The following EEA1 variants were observed in gnomAD, a reference collection of about 807,000 sequenced individuals.
The protein encoded by EEA1 is early endosome antigen 1, 162kD.
Under a neutral mutation model 209.2 loss-of-function variants are expected in EEA1, and 111 were observed. That is an observed-to-expected ratio of 0.53 (90% CI 0.45 to 0.62). EEA1 has a LOEUF of 0.62. EEA1 is among the 20% of genes least tolerant of loss of function. The pLI, the probability that EEA1 is intolerant of heterozygous loss-of-function variation, is 0.00. For missense variants in EEA1, 1,343 were observed against 1,530.8 expected (o/e 0.88, Z 2.05); for synonymous variants, 536 against 540.6 (o/e 0.99, Z 0.12).
At chr12:92,878,935 A>G (rs914977225) in intron 2 of EEA1, among the ~76,000 whole-genome samples, 2 of 152,214 alleles carry the variant, frequency 1.3e-5, no homozygotes, top group Non-Finnish European at 1.5e-5. Flanking sequence ...AATAATCAAT[A>G]CACTTCCCAA....
At chr12:92,904,354 C>G (rs550839124) in intron 1 of EEA1, among the ~76,000 whole-genome samples, 1 of 152,316 alleles carries the variant, frequency 6.6e-6, no homozygotes, top group East Asian at 1.9e-4. Context: ...GTTTAAGTAG[C>G]TACAACCAAA....
intron 1 of EEA1, among the ~76,000 whole-genome samples, chr12:92,894,783 T>G (rs373369279): frequency 1.3e-5 from 2 of 152,130 alleles, no homozygotes; most frequent in East Asian, 1.9e-4. Context: ...TGCAGCAAGT[T>G]ATCCAGAAGA....
At chr12:92,861,315 C>T (rs567318805) in intron 3 of EEA1, among the ~76,000 whole-genome samples, 26 of 151,800 alleles carry the variant, frequency 1.7e-4, no homozygotes, top group Non-Finnish European at 3.7e-4. Context: ...ATTAGCCGGG[C>T]GTGGTGGCGC....
chr12:92,830,718 A>C (rs927117215), intron 11 of EEA1, among the ~76,000 whole-genome samples: 1 of 152,204 alleles, frequency 6.6e-6, no homozygotes, highest in African/African-American at 2.4e-5. Context: ...TGAGGAGGTG[A>C]GCCAACAAGA....
chr12:92,921,759 G>GAAAAAAAAAAAAAAAAAA (rs751838383), intron 1 of EEA1, among the ~76,000 whole-genome samples: 2 of 76,716 alleles, frequency 2.6e-5, no homozygotes, highest in African/African-American at 5.2e-5. Flanking sequence ...TAAAAAAAAA[G>GAAAAAAAAAAAAAAAAAA]AAAAAAAAAA....
chr12:92,883,885 G>C, intron 2 of EEA1: 12 of 1,595,580 alleles, frequency 7.5e-6, no homozygotes, highest in Middle Eastern at 2.3e-4. Flanking sequence ...TGAGCAATGG[G>C]GAACGCTCAC....
rs776405456 is a variant in EEA1 at position 92,852,283 on chromosome 12, C to CT, written c.533dup (p.Tyr179ValfsTer2). On this transcript the variant is annotated frameshift_variant, in exon 8 of 29. Coordinates refer to ENST00000322349, the MANE Select transcript of EEA1 (RefSeq NM_003566.4). LOFTEE classifies it high-confidence loss of function. ...CTCGAAGACTCCTTTCTTCATCATA[C>CT]TTTGACTTTATATCTAATTAAAGAT... 1 of 1,578,246 alleles carries CT rather than the reference C, an allele frequency of 6.3e-7. No homozygotes were observed. Among genetic ancestry groups the CT allele is most frequent in the Non-Finnish European group, 8.6e-7 (1 of 1,165,160 alleles).
At chr12:92,922,674 G>A (rs759152202) in intron 1 of EEA1, among the ~76,000 whole-genome samples, 9 of 152,054 alleles carry the variant, frequency 5.9e-5, no homozygotes, top group Non-Finnish European at 8.8e-5. Flanking sequence ...CTACCCTGGC[G>A]GGGTGCGGTG....
intron 3 of EEA1, chr12:92,858,555 A>G: frequency 2.6e-6 from 2 of 771,586 alleles, no homozygotes; most frequent in South Asian, 2.8e-5. Flanking sequence ...TTGTCTTAGC[A>G]TACAAGCTTA....
At chr12:92,853,999 G>GATA (rs3065021) in intron 5 of EEA1, 45 bp from the exon 6 acceptor site, 869,820 of 1,387,926 alleles carry the variant, frequency 0.63, 281,971 homozygotes, top group East Asian at 0.95. Flanking sequence ...AAAAGGAAAA[G>GATA]ATAATACTGT....
At chr12:92,840,193 A>G (rs1877106578) in intron 10 of EEA1, among the ~76,000 whole-genome samples, 1 of 152,158 alleles carries the variant, frequency 6.6e-6, no homozygotes, top group Admixed American at 6.5e-5. Flanking sequence ...TAACCAACAC[A>G]TTCACATCTC....
rs780634695 is a variant in EEA1, at chr12:92,826,187, C to T, written c.1503G>A (p.Thr501=). The part of the protein sequence containing the change: ...QEQQALQQST[T]AKLREAQNDL... Reference sequence around the variant, plus strand: ...TTACCTGAGCTTCTCGAAGTTTTGCCGTGGTGCTTTGCTGAAGAGCCTGTT... The same window carrying T: ...TTACCTGAGCTTCTCGAAGTTTTGCTGTGGTGCTTTGCTGAAGAGCCTGTT... The change falls in exon 13 of 29, where the codon ACG becomes ACA. Residue 501 remains threonine, a synonymous_variant. Coordinates refer to ENST00000322349, the MANE Select transcript of EEA1 (RefSeq NM_003566.4). 8 of 1,612,812 alleles carry T rather than the reference C, an allele frequency of 5.0e-6. No individual in the cohort carries two copies. The highest frequency in any genetic ancestry group is 1.7e-5 in the Admixed American group (1 of 59,976).
intron 10 of EEA1, among the ~76,000 whole-genome samples, chr12:92,835,877 A>C (rs1876909463): frequency 6.6e-6 from 1 of 152,226 alleles, no homozygotes; most frequent in African/African-American, 2.4e-5. Context: ...TCTTTTTAAA[A>C]GAATCTAATC....
rs553398188 is a variant in EEA1, at chr12:92,929,106, G to C, written c.-40C>G. 2 of 1,564,282 alleles carry C rather than the reference G, an allele frequency of 1.3e-6. No individual in the cohort carries two copies. Among genetic ancestry groups the C allele is most frequent in the South Asian group, 2.3e-5 (2 of 85,996 alleles). On this transcript the variant is annotated 5_prime_UTR_variant, in exon 1 of 29. Transcript: ENST00000322349. ...CCGGCGCCGCCGCGGTGACTCTCCA[G>C]ACCCTGCGCGGGGCCACTCACTACT...
chr12:92,815,759 T>A (rs1327463629), intron 15 of EEA1, among the ~76,000 whole-genome samples: 1 of 151,810 alleles, frequency 6.6e-6, no homozygotes, highest in African/African-American at 2.4e-5. Flanking sequence ...ATTTAAAAAA[T>A]CAAAGTCAAA....
chr12:92,848,034 T>C (rs562850079), intron 9 of EEA1, among the ~76,000 whole-genome samples: 21 of 151,882 alleles, frequency 1.4e-4, no homozygotes, highest in African/African-American at 5.1e-4. Flanking sequence ...ATTAATTAAA[T>C]AGGTAATAAG....
At chr12:92,824,381 GA>G (rs1876198380) in intron 13 of EEA1, among the ~76,000 whole-genome samples, 1 of 152,192 alleles carries the variant, frequency 6.6e-6, no homozygotes, top group Non-Finnish European at 1.5e-5. Context: ...ATAATTCTGT[GA>G]AATCATAAGT....
chr12:92,777,651 T>A lies in EEA1; in HGVS notation c.3906A>T (p.Gly1302=). The change falls in exon 27 of 29, where the codon GGA becomes GGT. Residue 1302 remains glycine (G), a synonymous_variant. Coordinates refer to ENST00000322349, the MANE Select transcript of EEA1 (RefSeq NM_003566.4). ...TTTGAAGCTTTTCTATTTCACCTTC[T>A]CCTTTAAGACATCTGGAATAGATTG... is the stretch of plus-strand genomic sequence containing the variant. ...RRALLERCLK[G]EGEIEKLQTK... 6.2e-7 allele frequency: 1 copy of A among 1,611,588 alleles called. No individual in the cohort carries two copies. Among genetic ancestry groups the A allele is most frequent in the Non-Finnish European group, 8.5e-7 (1 of 1,178,614 alleles).
chr12:92,906,541 A>T (rs948602459), intron 1 of EEA1, among the ~76,000 whole-genome samples: 4 of 152,210 alleles, frequency 2.6e-5, no homozygotes, highest in African/African-American at 7.2e-5. Context: ...GGCCGGGTGC[A>T]GTGGCTCACG....
Sources: allele counts gnomAD v4.1 joint callset (sites outside exome capture counted in the v4.1 genomes callset), GRCh38; gene constraint gnomAD v4.1.1; transcripts MANE v1.5; gene names NCBI Gene and HGNC (gene_info 2026-07-23, HGNC 2026-07-21).